Variants in ALG13 observed in about 807,000 individuals in gnomAD.
ALG13 encodes UDP-N-acetylglucosamine transferase subunit ALG13.
ALG13 carries 11 observed loss-of-function variants against 87.8 expected under a neutral mutation model. That is an observed-to-expected ratio of 0.13 (90% CI 0.08 to 0.21). ALG13 has a LOEUF of 0.21. ALG13 is among the 10% of genes least tolerant of loss of function. The pLI is 1.00. For synonymous variants in ALG13, 320 were observed against 306.3 expected (o/e 1.04, Z -0.47); for missense variants, 756 against 866.1 (o/e 0.87, Z 1.60).
chrX:111,718,261 T>G lies in ALG13; in HGVS notation c.1237T>G (p.Ser413Ala). The stretch of plus-strand genomic sequence containing the variant: ...GGATGCCCATACTGATTACAAGAGT[T>G]CAAATCAGAATAGGTAATAAAGGGA... ...SEDAHTDYKS[S>A]NQNRMEEWGA... Residue 413 changes from serine (S) to alanine (A), a missense_variant, in exon 10 of 27, where the codon TCA becomes GCA. This residue lies in a region of ALG13 where 48 missense variants were observed against 50.5 expected (regional missense o/e 0.95). Transcript: ENST00000394780. The G allele has an allele frequency of 8.4e-7, 1 of 1,191,584 alleles. No individual in the cohort carries two copies.
chrX:111,687,249 A>G (rs1440899705), intron 3 of ALG13, among the ~76,000 whole-genome samples: 1 of 112,517 alleles, frequency 8.9e-6, no homozygotes, highest in East Asian at 2.8e-4. Flanking sequence ...CCAGCCAATA[A>G]TTGGTTATAT....
chrX:111,681,682 A>C, intron 1 of ALG13: 1 of 849,529 alleles, frequency 1.2e-6, no homozygotes, highest in Non-Finnish European at 1.4e-6. Context: ...CCCCCTGTGG[A>C]CCGCACGTCG....
rs1222086891 is a variant in ALG13 at position 111,718,263 on chromosome X, A to G, written c.1239A>G (p.Ser413=). The change falls in exon 10 of 27, where the codon TCA becomes TCG. Residue 413 remains serine (S), a synonymous_variant. Coordinates refer to ENST00000394780, the MANE Select transcript of ALG13 (RefSeq NM_001099922.3). ...SEDAHTDYKS[S]NQNRMEEWGA... ...ATGCCCATACTGATTACAAGAGTTC[A>G]AATCAGAATAGGTAATAAAGGGAAA... 1 of 1,185,779 alleles carries G rather than the reference A, an allele frequency of 8.4e-7. No homozygotes were observed. The highest frequency in any genetic ancestry group is 1.8e-5 in the African/African-American group (1 of 56,650).
At chrX:111,747,948 C>T (rs1248174377) in intron 24 of ALG13, among the ~76,000 whole-genome samples, 1 of 112,459 alleles carries the variant, frequency 8.9e-6, no homozygotes, top group Non-Finnish European at 1.9e-5. Context: ...AGTTCCACAT[C>T]CATGCCAGTA....
chrX:111,717,869 T>C lies in ALG13; in HGVS notation c.1029T>C (p.Ser343=), dbSNP rs772765360. 28 of 1,202,381 alleles carry C rather than the reference T, an allele frequency of 2.3e-5. No individual in the cohort carries two copies. The highest frequency in any genetic ancestry group is 3.0e-5 in the East Asian group (1 of 33,695). Residue 343 remains serine, a synonymous_variant, in exon 9 of 27, where the codon AGT becomes AGC. Coordinates refer to ENST00000394780, the MANE Select transcript of ALG13 (RefSeq NM_001099922.3). ...AGATTCTACTCTGCTACTCAAGTAG[T>C]GGTCACTATGATTCTGTGTACTCAA... The part of the protein sequence containing the change: ...EDKILLCYSS[S]GHYDSVYSKQ...
intron 3 of ALG13, among the ~76,000 whole-genome samples, chrX:111,691,574 A>G (rs1431389621): frequency 1.8e-5 from 2 of 112,443 alleles, no homozygotes; most frequent in Non-Finnish European, 3.8e-5. Context: ...CATAATGTGA[A>G]AAAAGTTGTA....
At chrX:111,681,677 T>C (rs1169587889) in intron 1 of ALG13, 5 of 863,155 alleles carry the variant, frequency 5.8e-6, no homozygotes, top group Non-Finnish European at 7.0e-6. Context: ...CAGGCCCCCC[T>C]GTGGACCGCA....
At chrX:111,685,766 C>T (rs930156460) in intron 3 of ALG13, among the ~76,000 whole-genome samples, 8 of 111,630 alleles carry the variant, frequency 7.2e-5, no homozygotes, top group Non-Finnish European at 1.5e-4. Context: ...TGGCAGAGTA[C>T]CTAACATTTT....
intron 21 of ALG13, among the ~76,000 whole-genome samples, chrX:111,733,417 T>C (rs1411438156): frequency 8.9e-6 from 1 of 111,919 alleles, no homozygotes; most frequent in East Asian, 2.8e-4. Flanking sequence ...TTACTTCACT[T>C]AGAATAACGG....
At chrX:111,754,008 G>A (rs186035734) in intron 25 of ALG13, among the ~76,000 whole-genome samples, 2,354 of 111,601 alleles carry the variant, frequency 0.021, 34 homozygotes, top group Non-Finnish European at 0.031. Context: ...GATGAACATC[G>A]ATGTGAAAAT....
chrX:111,690,451 A>G, intron 3 of ALG13: 1 of 694,427 alleles, frequency 1.4e-6, no homozygotes, highest in Non-Finnish European at 1.7e-6. Context: ...GATTTTAGAT[A>G]CTTATAATTT....
chrX:111,744,342 A>G (rs751549214), intron 23 of ALG13, among the ~76,000 whole-genome samples: 2 of 112,037 alleles, frequency 1.8e-5, no homozygotes, highest in African/African-American at 6.5e-5. Context: ...GTATTAAACT[A>G]AGTAAAAATT....
chrX:111,700,050 T>G (rs1448192007), intron 3 of ALG13, among the ~76,000 whole-genome samples: 1 of 108,265 alleles, frequency 9.2e-6, no homozygotes, highest in Non-Finnish European at 1.9e-5. Flanking sequence ...TTTTTTTTTT[T>G]TTTTCAGTTT....
intron 3 of ALG13, among the ~76,000 whole-genome samples, chrX:111,699,429 G>GT (rs1937437985): frequency 9.0e-6 from 1 of 111,497 alleles, no homozygotes; most frequent in Non-Finnish European, 1.9e-5. Flanking sequence ...TTTGTTACCT[G>GT]TGCTTACAGG....
chrX:111,739,279 C>T (rs758463875), intron 23 of ALG13, among the ~76,000 whole-genome samples: 4 of 111,839 alleles, frequency 3.6e-5, no homozygotes, highest in Non-Finnish European at 3.8e-5. Flanking sequence ...ATCACAAGAA[C>T]AGCATAGGGG....
At chrX:111,709,760 C>T (rs1939411891) in intron 5 of ALG13, among the ~76,000 whole-genome samples, 1 of 109,308 alleles carries the variant, frequency 9.1e-6, no homozygotes, top group Admixed American at 9.8e-5. Context: ...TATTCGCCTG[C>T]TGTTCGAGTT....
Position 111,746,732 on chromosome X carries a change from T to C in ALG13, c.2932+1828T>C, listed in dbSNP as rs141252810. Among the ~76,000 whole-genome samples the C allele has an allele frequency of 3.9e-3, 435 of 112,238 alleles. 1 individual carries two copies. Among genetic ancestry groups the C allele is most frequent in the African/African-American group, 0.012 (386 of 30,922 alleles). Reference sequence around the variant, plus strand: ...GGAATTGCTGGGTCATAGAGAGATATGTGTTTACTTTTATAAGTAACTGCC... The same window carrying C: ...GGAATTGCTGGGTCATAGAGAGATACGTGTTTACTTTTATAAGTAACTGCC... On this transcript the variant is annotated intron_variant, in intron 24 of 26. Transcript: ENST00000394780.
chrX:111,688,589 A>AT (rs1408618220), intron 3 of ALG13: 2 of 748,581 alleles, frequency 2.7e-6, no homozygotes, highest in African/African-American at 4.7e-5. Flanking sequence ...AAACATACAA[A>AT]GTGATAAAAT....
At chrX:111,688,580 AACAT>A in intron 3 of ALG13, 1 of 750,617 alleles carries the variant, frequency 1.3e-6, no homozygotes, top group South Asian at 6.8e-5. Flanking sequence ...TTTTTTCTAA[AACAT>A]ACAAAGTGAT....
Sources: gnomAD v4.1 joint callset for allele counts (sites outside exome capture counted in the v4.1 genomes callset) on GRCh38, gnomAD v4.1.1 for gene constraint, gnomAD v4.1.1 regional missense constraint, MANE v1.5 for transcripts, NCBI Gene and HGNC (gene_info 2026-07-23, HGNC 2026-07-21) for gene names.